KCNH7: variants seen among roughly 807,000 people sequenced by gnomAD.
KCNH7 encodes the protein potassium voltage-gated channel subfamily H member 7.
A neutral mutation model predicts 120.8 loss-of-function variants in KCNH7; 49 were observed. The observed-to-expected ratio is 0.41, with a 90% CI of 0.32 to 0.51. The LOEUF (loss-of-function observed/expected upper bound fraction) is 0.51, where lower values mean the gene tolerates loss of function less well. KCNH7 is among the 20% of genes least tolerant of loss of function. The pLI is 0.38. For synonymous variants in KCNH7, 547 were observed against 516.1 expected (o/e 1.06, Z -0.81); for missense variants, 1,097 against 1,446.6 (o/e 0.76, Z 3.92).
At chr2:162,408,653 C>T (rs1022146870) in intron 9 of KCNH7, among the ~76,000 whole-genome samples, 7 of 151,786 alleles carry the variant, frequency 4.6e-5, no homozygotes, top group South Asian at 4.1e-4. Flanking sequence ...CTGCCTATCC[C>T]AACTATAAAA....
chr2:162,473,390 C>T (rs1475411490), intron 6 of KCNH7, among the ~76,000 whole-genome samples: 3 of 151,946 alleles, frequency 2.0e-5, no homozygotes, highest in African/African-American at 4.8e-5. Flanking sequence ...AAATATTGAC[C>T]TTAATTTAAT....
At chr2:162,492,187 T>C (rs1464195892) in intron 6 of KCNH7, among the ~76,000 whole-genome samples, 1 of 152,218 alleles carries the variant, frequency 6.6e-6, no homozygotes, top group Non-Finnish European at 1.5e-5. Flanking sequence ...AAAAAAGGAT[T>C]TGTGCCTTGT....
intron 9 of KCNH7, among the ~76,000 whole-genome samples, chr2:162,417,309 G>T (rs1687570848): frequency 6.6e-6 from 1 of 152,126 alleles, no homozygotes; most frequent in Non-Finnish European, 1.5e-5. Flanking sequence ...GAACTTTGAT[G>T]ATCTCTATTT....
chr2:162,556,785 CA>C (rs1268993075), intron 2 of KCNH7, among the ~76,000 whole-genome samples: 1 of 152,106 alleles, frequency 6.6e-6, no homozygotes, highest in Non-Finnish European at 1.5e-5. Flanking sequence ...CAGTAAATTG[CA>C]AAAACAAATG....
chr2:162,476,149 G>C (rs887559791), intron 6 of KCNH7, among the ~76,000 whole-genome samples: 3 of 152,096 alleles, frequency 2.0e-5, no homozygotes, highest in Non-Finnish European at 4.4e-5. Context: ...GGAGTCTGGC[G>C]CCCATTAATG....
At chr2:162,715,490 C>T (rs530081682) in intron 2 of KCNH7, among the ~76,000 whole-genome samples, 64 of 152,238 alleles carry the variant, frequency 4.2e-4, no homozygotes, top group Non-Finnish European at 7.9e-4. Context: ...TGGACTGATC[C>T]CATAATGTCC....
chr2:162,422,272 T>C (rs748331552), intron 9 of KCNH7, among the ~76,000 whole-genome samples: 1 of 152,182 alleles, frequency 6.6e-6, no homozygotes, highest in Non-Finnish European at 1.5e-5. Context: ...TTCTGCACCA[T>C]TCCTGCTAAT....
intron 2 of KCNH7, among the ~76,000 whole-genome samples, chr2:162,744,679 TCTCCTGCCTCAGCCTCCCGAGTAG>T (rs1219609002): frequency 6.6e-6 from 1 of 151,662 alleles, no homozygotes; most frequent in African/African-American, 2.4e-5. Context: ...TTCACGCCAT[TCTCCTGCCTCAGCCTCCCGAGTAG>T]CTGGGACTAC....
At chr2:162,506,836 T>C (rs986152382) in intron 5 of KCNH7, among the ~76,000 whole-genome samples, 1 of 151,858 alleles carries the variant, frequency 6.6e-6, no homozygotes, top group Non-Finnish European at 1.5e-5. Context: ...TCAACTATGG[T>C]AGTATTTCAT....
chr2:162,470,520 C>A (rs190268940), intron 6 of KCNH7, among the ~76,000 whole-genome samples: 1 of 151,944 alleles, frequency 6.6e-6, no homozygotes, highest in Non-Finnish European at 1.5e-5. Flanking sequence ...GCAGCCACCC[C>A]GTCTAGGAAG....
intron 2 of KCNH7, among the ~76,000 whole-genome samples, chr2:162,703,356 A>G (rs1055516438): frequency 1.3e-5 from 2 of 152,142 alleles, no homozygotes; most frequent in Non-Finnish European, 2.9e-5. Context: ...CTCTAGGTTT[A>G]ATGGTATAAC....
At chr2:162,599,559 C>T (rs1694484467) in intron 2 of KCNH7, among the ~76,000 whole-genome samples, 1 of 151,638 alleles carries the variant, frequency 6.6e-6, no homozygotes, top group Non-Finnish European at 1.5e-5. Flanking sequence ...CCAAAATTTC[C>T]AAATTGTTTT....
chr2:162,757,787 T>G (rs977232502), intron 2 of KCNH7, among the ~76,000 whole-genome samples: 12 of 152,198 alleles, frequency 7.9e-5, no homozygotes, highest in Non-Finnish European at 1.2e-4. Flanking sequence ...AAATTGCAGA[T>G]GAATGTCTTG....
intron 2 of KCNH7, among the ~76,000 whole-genome samples, chr2:162,772,951 C>T (rs949532658): frequency 1.3e-5 from 2 of 152,158 alleles, no homozygotes; most frequent in Non-Finnish European, 2.9e-5. Flanking sequence ...CATGGCTAAC[C>T]TAATCGCTCT....
chr2:162,735,628 G>A (rs948127705), intron 2 of KCNH7, among the ~76,000 whole-genome samples: 9 of 152,268 alleles, frequency 5.9e-5, no homozygotes, highest in East Asian at 3.9e-4. Context: ...AGACAGTTTA[G>A]ACATTTCTGT....
chr2:162,553,521 C>T (rs1038704144), intron 2 of KCNH7, among the ~76,000 whole-genome samples: 3 of 151,974 alleles, frequency 2.0e-5, no homozygotes, highest in East Asian at 1.9e-4. Flanking sequence ...TGGTGGCGGG[C>T]GCCTGTAGTC....
chr2:162,600,144 T>G (rs989475364), intron 2 of KCNH7, among the ~76,000 whole-genome samples: 13 of 152,090 alleles, frequency 8.5e-5, no homozygotes, highest in Non-Finnish European at 1.5e-4. Context: ...CATACAGAGA[T>G]GTTAAATGCA....
chr2:162,473,951 A>C (rs890650773), intron 6 of KCNH7, among the ~76,000 whole-genome samples: 4 of 152,050 alleles, frequency 2.6e-5, no homozygotes, highest in Non-Finnish European at 5.9e-5. Flanking sequence ...GTCAAAATTG[A>C]CTCTACTGTA....
chr2:162,480,976 C>T (rs527559126), intron 6 of KCNH7, among the ~76,000 whole-genome samples: 1 of 152,122 alleles, frequency 6.6e-6, no homozygotes, highest in Non-Finnish European at 1.5e-5. Context: ...TTGGTGACTG[C>T]CTTGCACCTG....
Sources: allele counts gnomAD v4.1 joint callset (sites outside exome capture counted in the v4.1 genomes callset), GRCh38; gene constraint gnomAD v4.1.1; transcripts MANE v1.5; gene names NCBI Gene and HGNC (gene_info 2026-07-23, HGNC 2026-07-21).